CYRIB: variants seen among roughly 807,000 people sequenced by gnomAD.
CYRIB encodes CYFIP-related Rac1 interactor B.
Under a neutral mutation model 44.2 loss-of-function variants are expected in CYRIB, and 8 were observed. The ratio of observed to expected loss-of-function variants is 0.18; its 90% CI spans 0.11 to 0.33. CYRIB has a LOEUF of 0.33. Ranked by LOEUF, CYRIB falls within the 10% of genes least tolerant of loss-of-function variation. The pLI is 1.00. For synonymous variants in CYRIB, 131 were observed against 127.2 expected (o/e 1.03, Z -0.20); for missense variants, 185 against 382.8 (o/e 0.48, Z 4.31).
rs571560349 is a variant in CYRIB, at chr8:129,855,396, A to G, written c.438+215T>C. Among the ~76,000 whole-genome samples the G allele has an allele frequency of 3.7e-3, 559 of 152,200 alleles. 5 individuals carry two copies. The highest frequency in any genetic ancestry group is 0.013 in the African/African-American group (542 of 41,512). On this transcript the variant is annotated intron_variant, in intron 6 of 11. Coordinates refer to ENST00000519824, the Ensembl canonical transcript of CYRIB. ...ACAAAGCAAGGCTCTGCCTCAAAAA[A>G]AAAAAAAAAAGATTGAGACCGAATA...
At chr8:129,954,308 C>T (rs969315922) in intron 2 of CYRIB, among the ~76,000 whole-genome samples, 12 of 152,104 alleles carry the variant, frequency 7.9e-5, no homozygotes, top group African/African-American at 2.4e-4. Context: ...CTGCAACTTC[C>T]GCTTCCCAGG....
At chr8:129,963,066 G>GACTC (rs1251190290) in intron 2 of CYRIB, among the ~76,000 whole-genome samples, 1 of 152,178 alleles carries the variant, frequency 6.6e-6, no homozygotes, top group African/African-American at 2.4e-5. Context: ...AAGACAGTTG[G>GACTC]ACTCAGTTCT....
intron 1 of CYRIB, among the ~76,000 whole-genome samples, chr8:130,009,720 G>A (rs1326357951): frequency 1.3e-5 from 2 of 152,180 alleles, no homozygotes; most frequent in Non-Finnish European, 2.9e-5. Flanking sequence ...GCTAGACTAT[G>A]CTAGATGCTT....
chr8:129,915,827 T>C (rs2080460634), intron 1 of CYRIB, among the ~76,000 whole-genome samples: 1 of 152,226 alleles, frequency 6.6e-6, no homozygotes, highest in African/African-American at 2.4e-5. Flanking sequence ...GGTATGTATT[T>C]ACTCTGTAAT....
chr8:130,004,072 T>C (rs1214377000), intron 1 of CYRIB, among the ~76,000 whole-genome samples: 1 of 152,156 alleles, frequency 6.6e-6, no homozygotes, highest in East Asian at 1.9e-4. Context: ...TCTCCCTCTG[T>C]CCACTCTGTC....
At chr8:129,957,778 A>G (rs946248273) in intron 2 of CYRIB, among the ~76,000 whole-genome samples, 3 of 152,060 alleles carry the variant, frequency 2.0e-5, no homozygotes, top group Non-Finnish European at 4.4e-5. Context: ...ATCCTGGCTA[A>G]CATGGTGAAA....
At chr8:129,931,929 T>C (rs1032164030) in intron 1 of CYRIB, among the ~76,000 whole-genome samples, 1 of 152,080 alleles carries the variant, frequency 6.6e-6, no homozygotes, top group African/African-American at 2.4e-5. Context: ...GCCTGGCACT[T>C]CTTTAAATGT....
chr8:129,956,723 T>A (rs2094858030), intron 2 of CYRIB, among the ~76,000 whole-genome samples: 1 of 152,168 alleles, frequency 6.6e-6, no homozygotes, highest in South Asian at 2.1e-4. Context: ...GCCCTGTTTT[T>A]CTGGTCTTTA....
At chr8:129,874,652 GA>G (rs1296958710) in intron 3 of CYRIB, among the ~76,000 whole-genome samples, 3 of 152,072 alleles carry the variant, frequency 2.0e-5, no homozygotes, top group Non-Finnish European at 4.4e-5. Context: ...AGGGTACAGA[GA>G]CATAAATAAG....
At chr8:129,923,241 A>AAAAAAAAGAAAAAGAG in intron 1 of CYRIB, among the ~76,000 whole-genome samples, 1 of 43,734 alleles carries the variant, frequency 2.3e-5, no homozygotes, top group African/African-American at 1.2e-4. Context: ...AAAACTCTTA[A>AAAAAAAAGAAAAAGAG]AAAGAAAAAA....
At chr8:129,988,458 A>T (rs1374648212) in intron 1 of CYRIB, among the ~76,000 whole-genome samples, 1 of 152,104 alleles carries the variant, frequency 6.6e-6, no homozygotes, top group African/African-American at 2.4e-5. Context: ...GATCCTTCCC[A>T]CCTCCAGGCA....
chr8:129,967,231 T>G (rs890526403), intron 2 of CYRIB, among the ~76,000 whole-genome samples: 1 of 152,204 alleles, frequency 6.6e-6, no homozygotes, highest in African/African-American at 2.4e-5. Flanking sequence ...AACTCCGTGT[T>G]CAGTGGCATC....
intron 1 of CYRIB, among the ~76,000 whole-genome samples, chr8:129,925,475 G>A (rs569522337): frequency 2.2e-4 from 34 of 152,262 alleles, no homozygotes; most frequent in African/African-American, 7.7e-4. Context: ...TGAAAGTTGG[G>A]AGCTCTCACT....
Position 129,998,792 on chromosome 8 carries a change from C to T in CYRIB, c.-296+17578G>A, listed in dbSNP as rs181933023. ...GATTACAGGCATGTGCCACCCCACC[C>T]GGCTAATTTTTGGATTTTTAGTAGA... On this transcript the variant is annotated intron_variant, in intron 1 of 14. Coordinates refer to the CYRIB transcript ENST00000401979. Among the ~76,000 whole-genome samples the T allele has an allele frequency of 2.9e-3, 446 of 152,224 alleles. 4 individuals carry two copies. Among genetic ancestry groups the T allele is most frequent in the African/African-American group, 0.01 (429 of 41,510 alleles).
chr8:129,885,782 C>T (rs904125739), intron 2 of CYRIB, among the ~76,000 whole-genome samples: 4 of 152,070 alleles, frequency 2.6e-5, no homozygotes, highest in African/African-American at 9.7e-5. Context: ...TCTCCTCTCC[C>T]ACTTTCCCAG....
intron 10 of CYRIB, among the ~76,000 whole-genome samples, chr8:129,848,443 T>G (rs1426506116): frequency 6.6e-6 from 1 of 152,230 alleles, no homozygotes; most frequent in African/African-American, 2.4e-5. Flanking sequence ...ATTAGAAAAC[T>G]ATTTCTAATA....
At chr8:129,926,835 G>A (rs2137775223) in intron 1 of CYRIB, among the ~76,000 whole-genome samples, 1 of 152,190 alleles carries the variant, frequency 6.6e-6, no homozygotes, top group South Asian at 2.1e-4. Flanking sequence ...TATATCTACT[G>A]GCTCCACACT....
intron 4 of CYRIB, among the ~76,000 whole-genome samples, chr8:129,870,595 G>C (rs888180247): frequency 6.6e-6 from 1 of 152,140 alleles, no homozygotes; most frequent in African/African-American, 2.4e-5. Context: ...CATATGGAAT[G>C]TATGCCCCAA....
intron 1 of CYRIB, among the ~76,000 whole-genome samples, chr8:129,976,349 TATA>T (rs1165523697): frequency 9.2e-5 from 14 of 152,330 alleles, no homozygotes; most frequent in Admixed American, 8.5e-4. Flanking sequence ...ATCTGCTATT[TATA>T]ATAATAATGG....
Sources: gnomAD v4.1 joint callset for allele counts (sites outside exome capture counted in the v4.1 genomes callset) on GRCh38, gnomAD v4.1.1 for gene constraint, MANE v1.5 for transcripts, NCBI Gene and HGNC (gene_info 2026-07-23, HGNC 2026-07-21) for gene names.